TAFA4: variants seen among roughly 807,000 people sequenced by gnomAD.
TAFA4 encodes the protein TAFA chemokine like family member 4.
In TAFA4, 20 loss-of-function variants were observed where a neutral mutation model predicts 21.1. That is an observed-to-expected ratio of 0.95 (90% CI 0.67 to 1.38). The LOEUF (loss-of-function observed/expected upper bound fraction) is 1.38, where lower values mean the gene tolerates loss of function less well. TAFA4 is among the 40% of genes most tolerant of loss of function. The pLI, the probability that TAFA4 is intolerant of heterozygous loss-of-function variation, is 0.00. For synonymous variants in TAFA4, 71 were observed against 67.4 expected (o/e 1.05, Z -0.26); for missense variants, 211 against 180.9 (o/e 1.17, Z -0.95).
chr3:68,799,638 C>T (rs1390152883), intron 3 of TAFA4, among the ~76,000 whole-genome samples: 1 of 152,116 alleles, frequency 6.6e-6, no homozygotes, highest in Admixed American at 6.5e-5. Flanking sequence ...GCAGGAGGAT[C>T]AGTCAGGAAG....
At chr3:68,738,146 G>A (rs1702276820) in intron 5 of TAFA4, among the ~76,000 whole-genome samples, 1 of 152,034 alleles carries the variant, frequency 6.6e-6, no homozygotes, top group African/African-American at 2.4e-5. Flanking sequence ...AGAAGTCCCC[G>A]AAAAAATGAT....
At chr3:68,801,585 C>T (rs1040355950) in intron 3 of TAFA4, among the ~76,000 whole-genome samples, 5 of 152,156 alleles carry the variant, frequency 3.3e-5, no homozygotes, top group Admixed American at 3.3e-4. Context: ...GCATTTTTAC[C>T]TACTACACAT....
Position 68,880,841 on chromosome 3 carries a change from T to C in TAFA4, c.19A>G (p.Arg7Gly). MRSPRM[R>G]VCAKSVLLSH... Reference sequence around the variant, plus strand: ...AGCAACACTGACTTAGCACAGACTCTCATCCTGGAGGAAAAGCAGGGCTGG... The same window carrying C: ...AGCAACACTGACTTAGCACAGACTCCCATCCTGGAGGAAAAGCAGGGCTGG... The change falls in exon 3 of 6, where the codon AGA (arginine) becomes GGA (glycine). Residue 7 changes from arginine (R) to glycine (G), a missense_variant. Coordinates refer to ENST00000295569, the MANE Select transcript of TAFA4 (RefSeq NM_182522.5). 2.5e-6 allele frequency: 4 copies of C among 1,612,954 alleles called. No individual in the cohort carries two copies. Among genetic ancestry groups the C allele is most frequent in the Non-Finnish European group, 2.5e-6 (3 of 1,179,674 alleles).
At chr3:68,875,313 T>C (rs1245090006) in intron 3 of TAFA4, among the ~76,000 whole-genome samples, 1 of 151,998 alleles carries the variant, frequency 6.6e-6, no homozygotes, top group African/African-American at 2.4e-5. Flanking sequence ...TGTTAAATAA[T>C]ACAGGTGCCT....
intron 1 of TAFA4, among the ~76,000 whole-genome samples, chr3:68,915,721 C>T (rs2089998716): frequency 6.6e-6 from 1 of 152,152 alleles, no homozygotes; most frequent in South Asian, 2.1e-4. Context: ...TTTTCCTCCA[C>T]ATGGGAATAT....
At chr3:68,863,926 C>T (rs2089383607) in intron 3 of TAFA4, among the ~76,000 whole-genome samples, 2 of 152,010 alleles carry the variant, frequency 1.3e-5, no homozygotes, top group African/African-American at 2.4e-5. Flanking sequence ...ACTAAAAATG[C>T]ATTACATGTT....
chr3:68,757,562 A>C (rs988249532), intron 3 of TAFA4, among the ~76,000 whole-genome samples: 1 of 152,222 alleles, frequency 6.6e-6, no homozygotes, highest in Non-Finnish European at 1.5e-5. Flanking sequence ...GGAGCAGTCA[A>C]GAAATGATCT....
chr3:68,897,683 A>T (rs2089806027), intron 1 of TAFA4, among the ~76,000 whole-genome samples: 2 of 152,168 alleles, frequency 1.3e-5, no homozygotes, highest in African/African-American at 4.8e-5. Context: ...TTATTCTTAA[A>T]GTCACTCTCA....
intron 3 of TAFA4, among the ~76,000 whole-genome samples, chr3:68,791,086 A>T (rs1703352285): frequency 6.6e-6 from 1 of 152,164 alleles, no homozygotes; most frequent in African/African-American, 2.4e-5. Flanking sequence ...CACAAAAGGG[A>T]ACCAACTTAA....
intron 3 of TAFA4, among the ~76,000 whole-genome samples, chr3:68,819,924 C>G (rs996721567): frequency 6.6e-5 from 10 of 152,162 alleles, no homozygotes; most frequent in Admixed American, 6.5e-4. Flanking sequence ...TTAGCCATCC[C>G]ACTACCAGAT....
At chr3:68,757,880 T>G (rs1465142814) in intron 3 of TAFA4, among the ~76,000 whole-genome samples, 4 of 152,246 alleles carry the variant, frequency 2.6e-5, no homozygotes, top group Admixed American at 2.0e-4. Flanking sequence ...TCACAACTGA[T>G]GGCATCTTAG....
At chr3:68,778,118 C>G (rs954557694) in intron 3 of TAFA4, among the ~76,000 whole-genome samples, 19 of 152,012 alleles carry the variant, frequency 1.2e-4, no homozygotes, top group South Asian at 2.1e-4. Context: ...AATGAATAAG[C>G]AAGAAAACCC....
chr3:68,767,783 A>AATAT (rs916418744), intron 3 of TAFA4, among the ~76,000 whole-genome samples: 1 of 151,428 alleles, frequency 6.6e-6, no homozygotes, highest in Non-Finnish European at 1.5e-5. Context: ...TATACATACA[A>AATAT]ATATATATAT....
At chr3:68,774,963 C>G (rs1703023244) in intron 3 of TAFA4, among the ~76,000 whole-genome samples, 1 of 152,140 alleles carries the variant, frequency 6.6e-6, no homozygotes, top group African/African-American at 2.4e-5. Flanking sequence ...CTATTCCCAT[C>G]ATAACAACAA....
chr3:68,807,101 A>G (rs1575616682), intron 3 of TAFA4, among the ~76,000 whole-genome samples: 1 of 152,294 alleles, frequency 6.6e-6, no homozygotes, highest in East Asian at 1.9e-4. Context: ...TTTCTCTGCA[A>G]TCCTGCCCCT....
At chr3:68,811,600 GA>G (rs1360476470) in intron 3 of TAFA4, among the ~76,000 whole-genome samples, 4 of 152,174 alleles carry the variant, frequency 2.6e-5, no homozygotes, top group Admixed American at 6.5e-5. Context: ...AGAATGAAAT[GA>G]AGCGAGAAGA....
At chr3:68,893,934 A>T (rs1427394210) in intron 1 of TAFA4, among the ~76,000 whole-genome samples, 2 of 152,244 alleles carry the variant, frequency 1.3e-5, no homozygotes, top group Non-Finnish European at 2.9e-5. Context: ...TTAAATTTTT[A>T]ATAAAGCCAT....
At chr3:68,868,230 G>C (rs983867385) in intron 3 of TAFA4, among the ~76,000 whole-genome samples, 1 of 152,000 alleles carries the variant, frequency 6.6e-6, no homozygotes, top group African/African-American at 2.4e-5. Flanking sequence ...TCAAGTCAAA[G>C]GTTGTAAAAG....
At chr3:68,858,646 G>A (rs1705127289) in intron 3 of TAFA4, among the ~76,000 whole-genome samples, 1 of 150,124 alleles carries the variant, frequency 6.7e-6, no homozygotes, top group Non-Finnish European at 1.5e-5. Flanking sequence ...GATGCAAGTG[G>A]AATTCTACAC....
Sources: gnomAD v4.1 joint callset for allele counts (sites outside exome capture counted in the v4.1 genomes callset) on GRCh38, gnomAD v4.1.1 for gene constraint, MANE v1.5 for transcripts, NCBI Gene and HGNC (gene_info 2026-07-23, HGNC 2026-07-21) for gene names.